LRMDA: variants seen among roughly 807,000 people sequenced by gnomAD.
LRMDA encodes the protein leucine-rich melanocyte differentiation-associated protein.
A neutral mutation model predicts 29.8 loss-of-function variants in LRMDA; 18 were observed. The ratio of observed to expected loss-of-function variants is 0.60; its 90% CI spans 0.42 to 0.90. The LOEUF (loss-of-function observed/expected upper bound fraction) is 0.90, where lower values mean the gene tolerates loss of function less well. Among genes scored for constraint, LRMDA ranks in the 40% least tolerant of loss-of-function variants. LRMDA has a pLI of 0.00. For synonymous variants in LRMDA, 125 were observed against 109.4 expected (o/e 1.14, Z -0.89); for missense variants, 273 against 273.9 (o/e 1.00, Z 0.02).
intron 5 of LRMDA, among the ~76,000 whole-genome samples, chr10:76,149,129 T>G (rs1230879490): frequency 6.6e-6 from 1 of 152,218 alleles, no homozygotes; most frequent in Non-Finnish European, 1.5e-5. Context: ...GAATTTTGGT[T>G]TGAATGTTCA....
chr10:76,193,614 C>T (rs1206679670), intron 5 of LRMDA, among the ~76,000 whole-genome samples: 1 of 152,034 alleles, frequency 6.6e-6, no homozygotes, highest in African/African-American at 2.4e-5. Context: ...GATGAATGTG[C>T]CCTTATTTTT....
chr10:75,511,516 C>G (rs7911703), intron 2 of LRMDA, among the ~76,000 whole-genome samples: 2 of 152,026 alleles, frequency 1.3e-5, no homozygotes, highest in African/African-American at 4.8e-5. Context: ...CTGTGATGTT[C>G]GGAAGGTAGG....
intron 2 of LRMDA, among the ~76,000 whole-genome samples, chr10:75,980,282 C>T (rs546570107): frequency 1.3e-5 from 2 of 152,220 alleles, no homozygotes; most frequent in East Asian, 1.9e-4. Flanking sequence ...AGATGATGAC[C>T]AAAGGGATCA....
At chr10:76,134,351 T>C (rs950653582) in intron 5 of LRMDA, among the ~76,000 whole-genome samples, 6 of 152,192 alleles carry the variant, frequency 3.9e-5, no homozygotes, top group Non-Finnish European at 8.8e-5. Flanking sequence ...GACCCAAATG[T>C]TTTTGTTCAG....
chr10:76,531,710 T>A (rs1421965973), intron 6 of LRMDA, among the ~76,000 whole-genome samples: 1 of 152,184 alleles, frequency 6.6e-6, no homozygotes, highest in Admixed American at 6.5e-5. Context: ...GATTTTTGCA[T>A]GCACATTCAT....
At chr10:75,603,712 G>T (rs1021571126) in intron 2 of LRMDA, among the ~76,000 whole-genome samples, 2 of 152,142 alleles carry the variant, frequency 1.3e-5, no homozygotes, top group African/African-American at 4.8e-5. Flanking sequence ...TCTAGATAAA[G>T]CACCTTAGAT....
At chr10:75,877,771 G>A (rs1440975289) in intron 2 of LRMDA, among the ~76,000 whole-genome samples, 4 of 152,184 alleles carry the variant, frequency 2.6e-5, no homozygotes, top group Non-Finnish European at 5.9e-5. Context: ...AAGGGGAGGG[G>A]CTGATGGGAC....
Position 76,266,486 on chromosome 10 carries a change from G to A in LRMDA, c.517-57915G>A, listed in dbSNP as rs189252289. On this transcript the variant is annotated intron_variant, in intron 5 of 6. Coordinates refer to ENST00000611255, the MANE Select transcript of LRMDA (RefSeq NM_001305581.2). ...GTTTATAGAATATTTGCTATATGCC[G>A]TAATATTGTGCTCTTCATCATATTA... 5.0e-3 allele frequency among the ~76,000 whole-genome samples: 758 copies of A among 152,184 alleles called. 6 individuals carry two copies. The highest frequency in any genetic ancestry group is 0.017 in the African/African-American group (686 of 41,518).
intron 2 of LRMDA, among the ~76,000 whole-genome samples, chr10:75,509,303 A>G (rs1845201373): frequency 6.6e-6 from 1 of 152,186 alleles, no homozygotes; most frequent in Non-Finnish European, 1.5e-5. Flanking sequence ...TAACACTCTT[A>G]AGCAATTTTA....
At chr10:76,158,041 G>A (rs1385128713) in intron 5 of LRMDA, among the ~76,000 whole-genome samples, 1 of 151,928 alleles carries the variant, frequency 6.6e-6, no homozygotes, top group African/African-American at 2.4e-5. Context: ...TCTTATATGT[G>A]GTCCATTGTT....
intron 5 of LRMDA, among the ~76,000 whole-genome samples, chr10:76,194,447 A>T (rs1284133565): frequency 6.6e-6 from 1 of 152,128 alleles, no homozygotes; most frequent in Non-Finnish European, 1.5e-5. Flanking sequence ...ATGAAGAGAG[A>T]AAGGAATGAA....
At chr10:75,966,208 C>T (rs1389917002) in intron 2 of LRMDA, among the ~76,000 whole-genome samples, 2 of 152,096 alleles carry the variant, frequency 1.3e-5, no homozygotes, top group Non-Finnish European at 2.9e-5. Context: ...TATATATATT[C>T]CATGTTTTGG....
At chr10:76,169,644 G>A (rs948348759) in intron 5 of LRMDA, among the ~76,000 whole-genome samples, 1 of 152,176 alleles carries the variant, frequency 6.6e-6, no homozygotes, top group Non-Finnish European at 1.5e-5. Context: ...TAAGCCCATA[G>A]TGGAGGCCTA....
At chr10:76,264,505 G>GTCAT (rs1462666181) in intron 5 of LRMDA, among the ~76,000 whole-genome samples, 1 of 146,318 alleles carries the variant, frequency 6.8e-6, no homozygotes, top group Non-Finnish European at 1.5e-5. Context: ...AAGTGGCATG[G>GTCAT]TCATTTTAGT....
chr10:76,342,015 A>G (rs1841047778), intron 6 of LRMDA, among the ~76,000 whole-genome samples: 1 of 152,198 alleles, frequency 6.6e-6, no homozygotes. Context: ...AAAATTCTGG[A>G]AGAGCATGTG....
intron 5 of LRMDA, among the ~76,000 whole-genome samples, chr10:76,229,880 C>G (rs1193386645): frequency 6.6e-6 from 1 of 152,074 alleles, no homozygotes; most frequent in Non-Finnish European, 1.5e-5. Context: ...ACCATTTTGC[C>G]CCTTAGTTCA....
At chr10:75,542,835 A>G (rs956737227) in intron 2 of LRMDA, among the ~76,000 whole-genome samples, 1 of 152,142 alleles carries the variant, frequency 6.6e-6, no homozygotes. Context: ...GCTTGATCCA[A>G]CGTGGCCCCA....
At chr10:76,390,140 CA>C (rs1329858329) in intron 6 of LRMDA, among the ~76,000 whole-genome samples, 1 of 152,160 alleles carries the variant, frequency 6.6e-6, no homozygotes, top group Non-Finnish European at 1.5e-5. Context: ...TCCACAGGCT[CA>C]TCAACATTTA....
chr10:76,439,763 C>T (rs970980905), intron 6 of LRMDA, among the ~76,000 whole-genome samples: 9 of 152,232 alleles, frequency 5.9e-5, no homozygotes, highest in African/African-American at 1.9e-4. Flanking sequence ...AGTGGTAGTC[C>T]CCTGTGCTAA....
Sources: gnomAD v4.1 joint callset for allele counts (sites outside exome capture counted in the v4.1 genomes callset) on GRCh38, gnomAD v4.1.1 for gene constraint, MANE v1.5 for transcripts, NCBI Gene and HGNC (gene_info 2026-07-23, HGNC 2026-07-21) for gene names.